PALM2AKAP2: variants seen among roughly 807,000 people sequenced by gnomAD.
PALM2AKAP2 encodes the protein PALM2-AKAP2 fusion protein.
In PALM2AKAP2, 37 loss-of-function variants were observed where a neutral mutation model predicts 71.5. That is an observed-to-expected ratio of 0.52 (90% CI 0.40 to 0.68). PALM2AKAP2 has a LOEUF of 0.68. Among genes scored for constraint, PALM2AKAP2 ranks in the 30% least tolerant of loss-of-function variants. The probability of loss-of-function intolerance (pLI) is 0.00; values close to 1 mark genes in which losing one functional copy is unlikely to be tolerated. For synonymous variants in PALM2AKAP2, 468 were observed against 478.8 expected (o/e 0.98, Z 0.29); for missense variants, 1,224 against 1,191.8 (o/e 1.03, Z -0.40).
intron 1 of PALM2AKAP2, among the ~76,000 whole-genome samples, chr9:109,842,192 G>A (rs1330336673): frequency 3.9e-5 from 6 of 152,144 alleles, no homozygotes; most frequent in Non-Finnish European, 4.4e-5. Flanking sequence ...GTCCAAAGTC[G>A]GGTGAATGCC....
At chr9:109,691,452 G>A (rs1214306708) in intron 1 of PALM2AKAP2, among the ~76,000 whole-genome samples, 1 of 151,914 alleles carries the variant, frequency 6.6e-6, no homozygotes, top group Non-Finnish European at 1.5e-5. Flanking sequence ...GCTCTTTCTA[G>A]CATTTCAAAT....
chr9:109,855,593 C>T (rs1221675157), intron 1 of PALM2AKAP2, among the ~76,000 whole-genome samples: 1 of 152,152 alleles, frequency 6.6e-6, no homozygotes, highest in East Asian at 1.9e-4. Context: ...TTTTAAAGTC[C>T]TCTTCCATCC....
At chr9:109,986,524 G>A (rs1175010141) in intron 6 of PALM2AKAP2, among the ~76,000 whole-genome samples, 1 of 152,136 alleles carries the variant, frequency 6.6e-6, no homozygotes, top group African/African-American at 2.4e-5. Context: ...CTGATTTTCA[G>A]GCAGATGCAA....
In PALM2AKAP2 at chr9:110,041,902, T is replaced by G. The variant is rs564708181; in HGVS notation, c.582+25863T>G. Among the ~76,000 whole-genome samples, 6 of 152,300 alleles carry G rather than the reference T, an allele frequency of 3.9e-5. No homozygotes were observed. The South Asian group carries it at 1.0e-3, about 26-fold the overall frequency. On this transcript the variant is annotated intron_variant, in intron 7 of 9. Transcript: ENST00000302798. ...ACCTAGAGAAAGGAACCTGGAAATT[T>G]TCTTTTCTTGTTTTCCAGCTACTCC... is the stretch of plus-strand genomic sequence containing the variant.
At chr9:110,068,727 C>A (rs796137885) in intron 1 of PALM2AKAP2, among the ~76,000 whole-genome samples, 22 of 152,074 alleles carry the variant, frequency 1.4e-4, no homozygotes, top group African/African-American at 5.1e-4. Context: ...GAGAGAGAGT[C>A]TTGCCTTGTT....
At chr9:109,866,434 G>T (rs1829450617) in intron 1 of PALM2AKAP2, among the ~76,000 whole-genome samples, 8 of 152,034 alleles carry the variant, frequency 5.3e-5, no homozygotes, top group Admixed American at 5.2e-4. Context: ...ACATTAACAA[G>T]GAAACTATCA....
intron 2 of PALM2AKAP2, among the ~76,000 whole-genome samples, chr9:110,151,039 C>T (rs983757996): frequency 2.0e-5 from 3 of 152,132 alleles, no homozygotes; most frequent in Non-Finnish European, 2.9e-5. Flanking sequence ...CAGTGCTGAA[C>T]GTTCTTGTAC....
chr9:110,002,652 A>T (rs901463922), intron 6 of PALM2AKAP2, among the ~76,000 whole-genome samples: 2 of 152,126 alleles, frequency 1.3e-5, no homozygotes, highest in East Asian at 3.8e-4. Context: ...CTGTGAATCT[A>T]TCTGGTCCTG....
intron 1 of PALM2AKAP2, among the ~76,000 whole-genome samples, chr9:110,058,945 G>C (rs1588083666): frequency 8.3e-6 from 1 of 120,242 alleles, no homozygotes; most frequent in Non-Finnish European, 1.6e-5. Flanking sequence ...CTGTTGCCCT[G>C]CTGGAGTGCA....
rs555228191 is a variant in PALM2AKAP2, at chr9:109,772,037, T to A, written c.6-8451T>A. ...CTTTCCGTGGGGACAGACACTGTTT[T>A]CCCTGGGGAGGCCAGAGAGCTGCTG... On this transcript the variant is annotated intron_variant, in intron 1 of 6. Coordinates refer to the PALM2AKAP2 transcript ENST00000374531. 3 of 152,672 alleles carry A rather than the reference T, an allele frequency of 2.0e-5. No individual in the cohort carries two copies. In the South Asian group the frequency reaches 6.2e-4, roughly 32 times the overall value. The allele number at this position is 152,672 out of a possible 1,614,324, so 9.5% of individuals were successfully genotyped here.
intron 1 of PALM2AKAP2, among the ~76,000 whole-genome samples, chr9:109,701,789 C>T (rs1393848513): frequency 6.6e-6 from 1 of 152,186 alleles, no homozygotes; most frequent in African/African-American, 2.4e-5. Context: ...AAAGAAACTA[C>T]CATCAGAGTG....
chr9:110,024,994 T>C (rs1833150109), intron 7 of PALM2AKAP2: 7 of 1,288,290 alleles, frequency 5.4e-6, no homozygotes, highest in Non-Finnish European at 7.9e-6. Flanking sequence ...TGAACCCAGG[T>C]ACCTTTCTCT....
At chr9:109,832,717 ATC>A (rs1254722821) in intron 1 of PALM2AKAP2, among the ~76,000 whole-genome samples, 14 of 152,310 alleles carry the variant, frequency 9.2e-5, no homozygotes, top group African/African-American at 3.4e-4. Flanking sequence ...AAAGAACATT[ATC>A]AGACCCAATT....
At chr9:109,866,139 C>T (rs1040948725) in intron 1 of PALM2AKAP2, among the ~76,000 whole-genome samples, 1 of 152,164 alleles carries the variant, frequency 6.6e-6, no homozygotes, top group African/African-American at 2.4e-5. Flanking sequence ...GGGCATTGCA[C>T]AGAAAACCTT....
exon 2 of PALM2AKAP2, chr9:110,138,253 G>A (rs1445446918): frequency 1.9e-6 from 3 of 1,614,194 alleles, no homozygotes; most frequent in Admixed American, 3.3e-5. Context: ...TTAACATGGA[G>A]GAGACCAGGC....
intron 1 of PALM2AKAP2, among the ~76,000 whole-genome samples, chr9:109,700,755 C>T (rs527276517): frequency 1.5e-3 from 226 of 152,294 alleles, no homozygotes; most frequent in Middle Eastern, 3.4e-3. Context: ...GTCTGTCTCA[C>T]CTGGAGCTCT....
intron 1 of PALM2AKAP2, among the ~76,000 whole-genome samples, chr9:109,685,454 T>C (rs1827794395): frequency 6.6e-6 from 1 of 152,182 alleles, no homozygotes; most frequent in South Asian, 2.1e-4. Context: ...AAGTTTTTTT[T>C]GGTTTCCCAG....
At chr9:110,046,539 G>C (rs927710430), upstream of PALM2AKAP2, among the ~76,000 whole-genome samples, 1 of 148,340 alleles carries the variant, frequency 6.7e-6, no homozygotes, top group African/African-American at 2.5e-5. Flanking sequence ...CACGATCTCG[G>C]CTCACTGCAA....
At chr9:109,641,226 T>C (rs117800616) in intron 1 of PALM2AKAP2, among the ~76,000 whole-genome samples, 22 of 152,334 alleles carry the variant, frequency 1.4e-4, no homozygotes, top group Non-Finnish European at 2.1e-4. Flanking sequence ...CCTAACCATG[T>C]CAGCATTATT....
Sources: gnomAD v4.1 joint callset for allele counts (sites outside exome capture counted in the v4.1 genomes callset) on GRCh38, gnomAD v4.1.1 for gene constraint, MANE v1.5 for transcripts, NCBI Gene and HGNC (gene_info 2026-07-23, HGNC 2026-07-21) for gene names.